Variants in ADAMTS9 observed in about 807,000 individuals in gnomAD.
ADAMTS9 encodes A disintegrin and metalloproteinase with thrombospondin motifs 9.
In ADAMTS9, 107 loss-of-function variants were observed where a neutral mutation model predicts 257.1. The ratio of observed to expected loss-of-function variants is 0.42; its 90% CI spans 0.36 to 0.49. The LOEUF (loss-of-function observed/expected upper bound fraction) is 0.49. ADAMTS9 is among the 20% of genes least tolerant of loss of function. ADAMTS9 has a pLI of 0.03. For missense variants in ADAMTS9, 2,353 were observed against 2,469.1 expected, an observed-to-expected ratio of 0.95 and a Z score of 1.00; for synonymous variants, 982 against 880.9, an observed-to-expected ratio of 1.11 and a Z score of -2.03.
chr3:64,667,470 GGA>G (rs1402979205), intron 3 of ADAMTS9, among the ~76,000 whole-genome samples: 2 of 152,180 alleles, frequency 1.3e-5, no homozygotes, highest in Non-Finnish European at 2.9e-5. Flanking sequence ...TCCCTCTCAG[GGA>G]GAGAAGGGCG....
chr3:64,620,554 G>A (rs1700079762), intron 19 of ADAMTS9, among the ~76,000 whole-genome samples: 1 of 152,128 alleles, frequency 6.6e-6, no homozygotes, highest in Non-Finnish European at 1.5e-5. Flanking sequence ...GCTTCAGAAT[G>A]CTCTACCCAC....
intron 22 of ADAMTS9, among the ~76,000 whole-genome samples, chr3:64,611,430 C>G (rs6784705): frequency 0.99 from 151,330 of 152,332 alleles, 75,178 homozygotes; most frequent in Middle Eastern, 1. Context: ...GTCCAGAATA[C>G]GTAAATCCAT....
At chr3:64,539,384 G>A in intron 36 of ADAMTS9, 90 bp from the exon 37 acceptor site, 1 of 1,081,334 alleles carries the variant, frequency 9.2e-7, no homozygotes, top group Non-Finnish European at 1.4e-6. Context: ...GAGACAGAAG[G>A]GAAGAAGAAG....
intron 32 of ADAMTS9, among the ~76,000 whole-genome samples, chr3:64,545,004 G>GC (rs1553701416): frequency 6.0e-5 from 9 of 150,576 alleles, no homozygotes; most frequent in Non-Finnish European, 1.3e-4. Flanking sequence ...AAAGACACAT[G>GC]AAAAAATGCT....
chr3:64,664,282 T>A (rs1283509988), intron 3 of ADAMTS9, among the ~76,000 whole-genome samples: 2 of 152,178 alleles, frequency 1.3e-5, no homozygotes, highest in African/African-American at 4.8e-5. Flanking sequence ...ATTAGTTTGG[T>A]AAGATTATTT....
chr3:64,609,832 G>T (rs2084632936), intron 22 of ADAMTS9, among the ~76,000 whole-genome samples: 1 of 152,078 alleles, frequency 6.6e-6, no homozygotes. Context: ...AAATGATATT[G>T]AAAAAGAACA....
At chr3:64,572,077 G>C (rs529563607) in intron 28 of ADAMTS9, among the ~76,000 whole-genome samples, 1 of 143,982 alleles carries the variant, frequency 6.9e-6, no homozygotes, top group Admixed American at 7.2e-5. Flanking sequence ...TTGCCAATAG[G>C]ACTCTGACTT....
chr3:64,529,982 A>ATTTTTTTTTT (rs200385291), intron 38 of ADAMTS9, among the ~76,000 whole-genome samples: 11 of 106,472 alleles, frequency 1.0e-4, no homozygotes, highest in Non-Finnish European at 1.4e-4. Context: ...CAGTTATTTA[A>ATTTTTTTTTT]TTTTTTTTTT....
intron 25 of ADAMTS9, 39 bp from the exon 26 acceptor site, chr3:64,602,252 T>G: frequency 6.2e-7 from 1 of 1,601,974 alleles, no homozygotes; most frequent in Non-Finnish European, 8.5e-7. Context: ...GTCAGTCATT[T>G]GGTGGAGGGG....
intron 28 of ADAMTS9, among the ~76,000 whole-genome samples, chr3:64,570,585 A>G (rs2083654688): frequency 6.8e-6 from 1 of 147,494 alleles, no homozygotes; most frequent in African/African-American, 2.5e-5. Flanking sequence ...AGGTAGGGGA[A>G]GTTGGGAGGC....
intron 8 of ADAMTS9, among the ~76,000 whole-genome samples, chr3:64,653,008 A>T (rs980246008): frequency 2.0e-5 from 3 of 152,226 alleles, no homozygotes; most frequent in African/African-American, 4.8e-5. Context: ...TCCTTGCTTA[A>T]ACTTGAGTCC....
chr3:64,569,095 G>C (rs914837221), intron 28 of ADAMTS9: 1 of 153,482 alleles, frequency 6.5e-6, no homozygotes, highest in African/African-American at 2.4e-5. Flanking sequence ...AATTTTGGGA[G>C]GGAGGCATTA....
At chr3:64,630,078 A>G (rs1357703705) in intron 16 of ADAMTS9, among the ~76,000 whole-genome samples, 3 of 152,100 alleles carry the variant, frequency 2.0e-5, no homozygotes, top group African/African-American at 7.2e-5. Context: ...GCTTTTTAAG[A>G]TTGACTGCCC....
intron 4 of ADAMTS9, among the ~76,000 whole-genome samples, chr3:64,657,472 C>T (rs1278484951): frequency 1.3e-5 from 2 of 151,838 alleles, no homozygotes; most frequent in East Asian, 3.9e-4. Context: ...AGCACCTGAG[C>T]CTACTATAGG....
chr3:64,670,796 T>C (rs1701468207), intron 3 of ADAMTS9, among the ~76,000 whole-genome samples: 1 of 152,140 alleles, frequency 6.6e-6, no homozygotes, highest in Non-Finnish European at 1.5e-5. Context: ...TTTAGGTAAA[T>C]GCAAATGAAA....
intron 19 of ADAMTS9, among the ~76,000 whole-genome samples, chr3:64,617,192 C>T (rs1255677947): frequency 1.3e-5 from 2 of 152,178 alleles, no homozygotes; most frequent in Non-Finnish European, 2.9e-5. Context: ...GGAAGTGTGG[C>T]AAAAATGTGG....
chr3:64,610,455 G>A (rs2084643336), intron 22 of ADAMTS9, among the ~76,000 whole-genome samples: 2 of 152,166 alleles, frequency 1.3e-5, no homozygotes, highest in South Asian at 4.2e-4. Flanking sequence ...ATTTAAAATA[G>A]TTGAGAGAAA....
At chr3:64,575,596 G>A (rs981401051) in intron 28 of ADAMTS9, among the ~76,000 whole-genome samples, 3 of 152,168 alleles carry the variant, frequency 2.0e-5, no homozygotes, top group African/African-American at 7.2e-5. Flanking sequence ...GAGGGTGCTT[G>A]TCTTCATTTT....
rs1701906519 is a variant in ADAMTS9 at position 64,686,353 on chromosome 3, A to C, written c.516+215T>G. On this transcript the variant is annotated intron_variant, in intron 2 of 39. Transcript: ENST00000498707. This position sits in a 1 kb window ranked among gnomAD's most constrained non-coding sequence, Gnocchi z 4.6. ...AACTCCAGAAAGCTCTGAAACATCC[A>C]GAAGCCCCTGGGGGCGGGTGTGTGC... Among the ~76,000 whole-genome samples, 2 of 152,266 alleles carry C rather than the reference A, an allele frequency of 1.3e-5. No homozygotes were observed. Among genetic ancestry groups the C allele is most frequent in the Admixed American group, 1.3e-4 (2 of 15,292 alleles).
Sources: allele counts gnomAD v4.1 joint callset (sites outside exome capture counted in the v4.1 genomes callset), GRCh38; gene constraint gnomAD v4.1.1; non-coding constraint Gnocchi (gnomAD v3.1); transcripts MANE v1.5; gene names NCBI Gene and HGNC (gene_info 2026-07-23, HGNC 2026-07-21).